The following TMEM114 variants were observed in gnomAD, a reference collection of about 807,000 sequenced individuals.
TMEM114 encodes the protein transmembrane protein 114.
Under a neutral mutation model 6.2 loss-of-function variants are expected in TMEM114, and 6 were observed. That is an observed-to-expected ratio of 0.97 (90% CI 0.53 to 1.91). The LOEUF is 1.91. Ranked by LOEUF, TMEM114 falls within the 40% of genes most tolerant of loss-of-function variation. TMEM114 has a pLI of 0.01. For missense variants in TMEM114, 218 were observed against 158.3 expected (o/e 1.38, Z -2.02); for synonymous variants, 104 against 73.0 (o/e 1.42, Z -2.16).
At chr16:8,532,100 T>C in the TMEM114 span, 1 of 152,334 alleles carries the variant, frequency 6.6e-6, no homozygotes, top group East Asian at 1.9e-4. Flanking sequence ...TAACGTCTTT[T>C]GTGGTACTAC....
downstream of TMEM114, among the ~76,000 whole-genome samples, chr16:8,533,309 G>A (rs189545302): frequency 2.0e-5 from 3 of 152,334 alleles, no homozygotes; most frequent in East Asian, 3.9e-4. Context: ...ACATGAAGAA[G>A]CCAGCCGTGG....
chr16:8,534,061 T>A (rs1900286422), downstream of TMEM114, among the ~76,000 whole-genome samples: 1 of 152,220 alleles, frequency 6.6e-6, no homozygotes, highest in Non-Finnish European at 1.5e-5. Context: ...CTTCTGTCCC[T>A]GCAAAACTCT....
chr16:8,544,752 G>A (rs1900610459), intron 2 of TMEM114, among the ~76,000 whole-genome samples: 1 of 152,198 alleles, frequency 6.6e-6, no homozygotes, highest in Admixed American at 6.5e-5. Flanking sequence ...AAAAGTCATA[G>A]TAAGTTCAGT....
chr16:8,542,493 G>A (rs762054147), intron 2 of TMEM114, among the ~76,000 whole-genome samples: 41 of 152,166 alleles, frequency 2.7e-4, no homozygotes, highest in Non-Finnish European at 5.4e-4. Flanking sequence ...GTTTGCAAAG[G>A]ATTGGGCCTG....
chr16:8,584,878 C>T (rs537981290), intron 2 of TMEM114, among the ~76,000 whole-genome samples: 5 of 144,202 alleles, frequency 3.5e-5, no homozygotes, highest in African/African-American at 7.7e-5. Context: ...GCCGAGATCG[C>T]GCCATTGCAC....
the TMEM114 span, among the ~76,000 whole-genome samples, chr16:8,530,853 C>T: frequency 6.6e-6 from 1 of 151,950 alleles, no homozygotes; most frequent in African/African-American, 2.4e-5. Flanking sequence ...GAGAAACCCC[C>T]ACATCTACTA....
At chr16:8,540,278 G>T (rs1043016428) in intron 2 of TMEM114, among the ~76,000 whole-genome samples, 1 of 152,140 alleles carries the variant, frequency 6.6e-6, no homozygotes, top group African/African-American at 2.4e-5. Flanking sequence ...TAGTTTATAG[G>T]AGGAATAGAA....
downstream of TMEM114, among the ~76,000 whole-genome samples, chr16:8,566,205 C>T (rs1260336064): frequency 6.6e-6 from 1 of 152,012 alleles, no homozygotes; most frequent in East Asian, 1.9e-4. Flanking sequence ...CGCATTTCTA[C>T]TAAAAATACA....
At chr16:8,561,565 A>G (rs1471158145) in intron 2 of TMEM114, among the ~76,000 whole-genome samples, 1 of 152,258 alleles carries the variant, frequency 6.6e-6, no homozygotes, top group African/African-American at 2.4e-5. Context: ...CACATCAGGC[A>G]TCAAAGAAGT....
chr16:8,590,123 G>T lies in TMEM114; in HGVS notation c.-285C>A, dbSNP rs1902439253. 3 of 332,412 alleles carry T rather than the reference G, an allele frequency of 9.0e-6. No individual in the cohort carries two copies. Among genetic ancestry groups the T allele is most frequent in the Non-Finnish European group, 1.6e-5 (3 of 184,144 alleles). 20.6% of individuals were successfully genotyped at this position (332,412 alleles called of 1,614,324 possible). ...AGACCCCCTCACTCTCACTTGTGCT[G>T]TCCGACCTCCACCTCCGCCTTCAGA... On this transcript the variant is annotated 5_prime_UTR_variant, in exon 1 of 4. Transcript: ENST00000620492.
In TMEM114 at chr16:8,563,449, ATGAG is replaced by A. The variant is rs1444029403; in HGVS notation, n.213-25627_213-25624del. ...AATGAGTGAGGCAATGAGTAAGTGA[ATGAG>A]TGAGTGAATGAGTAAGTGAATGAGT... On this transcript the variant is annotated intron_variant and non_coding_transcript_variant, in intron 2 of 2. Transcript: ENST00000623677. Among the ~76,000 whole-genome samples, 172 of 147,966 alleles carry A rather than the reference ATGAG, an allele frequency of 1.2e-3. 3 individuals carry two copies. The highest frequency in any genetic ancestry group is 4.2e-3 in the African/African-American group (165 of 39,312).
At chr16:8,545,163 C>A (rs1274203313) in intron 2 of TMEM114, among the ~76,000 whole-genome samples, 1 of 152,152 alleles carries the variant, frequency 6.6e-6, no homozygotes, top group African/African-American at 2.4e-5. Context: ...TTTGGCCAGG[C>A]TCAATGGCTC....
At chr16:8,564,870 GGAGGGAGGGAGT>G (rs1309397685), downstream of TMEM114, among the ~76,000 whole-genome samples, 13 of 33,348 alleles carry the variant, frequency 3.9e-4, no homozygotes, top group South Asian at 9.2e-4. Flanking sequence ...AATGAATGAG[GGAGGGAGGGAGT>G]GAATGAGTGA....
intron 2 of TMEM114, among the ~76,000 whole-genome samples, chr16:8,581,454 G>A (rs1046934922): frequency 9.2e-5 from 14 of 152,120 alleles, no homozygotes; most frequent in Admixed American, 8.5e-4. Context: ...ACTAAGAAGT[G>A]GACTTGTGTG....
chr16:8,572,059 C>T (rs1901751338), intron 3 of TMEM114, 28 bp downstream of exon 3: 8 of 1,511,568 alleles, frequency 5.3e-6, no homozygotes, highest in African/African-American at 4.2e-5. Context: ...GACCACAAGC[C>T]AGAGCCCTAG....
At chr16:8,563,552 A>G (rs1315002987) in intron 2 of TMEM114, among the ~76,000 whole-genome samples, 1 of 151,112 alleles carries the variant, frequency 6.6e-6, no homozygotes, top group Non-Finnish European at 1.5e-5. Context: ...TGAGTAAGTG[A>G]ATGAGTGACT....
At chr16:8,565,375 AT>A (rs2141677267), downstream of TMEM114, among the ~76,000 whole-genome samples, 1 of 152,304 alleles carries the variant, frequency 6.6e-6, no homozygotes, top group African/African-American at 2.4e-5. Flanking sequence ...GAGTGAATAA[AT>A]GAATGGATCT....
chr16:8,551,050 C>A (rs879707972), intron 2 of TMEM114, among the ~76,000 whole-genome samples: 1 of 152,224 alleles, frequency 6.6e-6, no homozygotes, highest in Non-Finnish European at 1.5e-5. Flanking sequence ...CTCCCGCCAT[C>A]CTGTTCGCTC....
chr16:8,572,057 G>A (rs1286014706), intron 3 of TMEM114, 30 bp downstream of exon 3: 2 of 1,510,120 alleles, frequency 1.3e-6, no homozygotes, highest in Admixed American at 2.1e-5. Context: ...CAGACCACAA[G>A]CCAGAGCCCT....
Sources: allele counts gnomAD v4.1 joint callset (sites outside exome capture counted in the v4.1 genomes callset), GRCh38; gene constraint gnomAD v4.1.1; transcripts MANE v1.5; gene names NCBI Gene and HGNC (gene_info 2026-07-23, HGNC 2026-07-21).